Variants in SAMMSON observed in about 807,000 individuals in gnomAD.
SAMMSON encodes survival associated mitochondrial melanoma specific oncogenic non-coding RNA, also known as long intergenic non-protein coding RNA 1212.
At chr3:70,090,304 T>C (rs1285334584) in intron 4 of SAMMSON, among the ~76,000 whole-genome samples, 1 of 152,188 alleles carries the variant, frequency 6.6e-6, no homozygotes. Flanking sequence ...AGAAATGTTC[T>C]TTTTATTTTG....
At chr3:70,082,985 A>C (rs2067272239) in intron 4 of SAMMSON, among the ~76,000 whole-genome samples, 1 of 152,188 alleles carries the variant, frequency 6.6e-6, no homozygotes, top group African/African-American at 2.4e-5. Context: ...CCTGGCTGTA[A>C]GGTCTCTGTG....
chr3:70,032,887 C>T lies in SAMMSON; in HGVS notation n.417+19215C>T, dbSNP rs191195139. 2.3e-3 allele frequency among the ~76,000 whole-genome samples: 350 copies of T among 152,260 alleles called. 1 individual carries two copies. Among genetic ancestry groups the T allele is most frequent in the Non-Finnish European group, 3.9e-3 (262 of 68,014 alleles). On this transcript the variant is annotated intron_variant and non_coding_transcript_variant, in intron 3 of 9. Coordinates refer to ENST00000642114, the Ensembl canonical transcript of SAMMSON. ...TCTTTGGACAAATAAAGGAAAACTT[C>T]GCAATGATGTAGCAGATGCTTTGGG...
intron 4 of SAMMSON, chr3:70,095,889 A>G (rs561612744): frequency 1.3e-5 from 2 of 152,306 alleles, no homozygotes; most frequent in African/African-American, 4.8e-5. Context: ...CTCAATGCAT[A>G]TCACTGACAC....
intron 4 of SAMMSON, among the ~76,000 whole-genome samples, chr3:70,107,652 A>G (rs1166187674): frequency 6.7e-6 from 1 of 150,364 alleles, no homozygotes; most frequent in Non-Finnish European, 1.5e-5. Flanking sequence ...TGACATTTTA[A>G]TCCTTCTCAA....
At chr3:70,059,896 G>C (rs2067181395) in intron 3 of SAMMSON, among the ~76,000 whole-genome samples, 1 of 151,946 alleles carries the variant, frequency 6.6e-6, no homozygotes, top group Non-Finnish European at 1.5e-5. Flanking sequence ...CACTGTTAAG[G>C]GTAATAATAA....
chr3:70,082,018 G>A (rs1218388193), intron 4 of SAMMSON, among the ~76,000 whole-genome samples: 1 of 152,184 alleles, frequency 6.6e-6, no homozygotes, highest in African/African-American at 2.4e-5. Flanking sequence ...CTGTTGTGCA[G>A]GTGTAGTGCT....
intron 4 of SAMMSON, among the ~76,000 whole-genome samples, chr3:70,177,849 C>A (rs985392691): frequency 6.6e-6 from 1 of 152,098 alleles, no homozygotes; most frequent in Non-Finnish European, 1.5e-5. Context: ...CCGCCGGCAA[C>A]TTTTAGTGTA....
At chr3:70,416,580 A>G (rs752221263) in intron 2 of SAMMSON, among the ~76,000 whole-genome samples, 7 of 152,144 alleles carry the variant, frequency 4.6e-5, no homozygotes, top group Admixed American at 1.3e-4. Flanking sequence ...GATTTTCTGC[A>G]TACATTGTCT....
At chr3:70,089,487 C>G (rs1011436688) in intron 4 of SAMMSON, among the ~76,000 whole-genome samples, 5 of 145,132 alleles carry the variant, frequency 3.4e-5, no homozygotes, top group African/African-American at 1.3e-4. Flanking sequence ...AAAGCCTGTT[C>G]TGCTAACTGC....
At chr3:70,380,714 C>T (rs1703059074) in intron 9 of SAMMSON, among the ~76,000 whole-genome samples, 1 of 151,694 alleles carries the variant, frequency 6.6e-6, no homozygotes, top group African/African-American at 2.4e-5. Context: ...CCACAACAGG[C>T]CCCAGTGTGT....
intron 4 of SAMMSON, chr3:70,249,095 C>A (rs1701735392): frequency 6.6e-6 from 1 of 152,158 alleles, no homozygotes; most frequent in African/African-American, 2.4e-5. Context: ...AGTCCCTGAT[C>A]TTTTCTTTAA....
chr3:70,043,283 C>T (rs993172040), intron 3 of SAMMSON, among the ~76,000 whole-genome samples: 10 of 151,994 alleles, frequency 6.6e-5, no homozygotes, highest in African/African-American at 1.7e-4. Flanking sequence ...CTCACGCATC[C>T]GTCTTTAATT....
intron 4 of SAMMSON, among the ~76,000 whole-genome samples, chr3:70,164,691 T>C (rs1193607163): frequency 6.6e-6 from 1 of 152,070 alleles, no homozygotes; most frequent in Non-Finnish European, 1.5e-5. Flanking sequence ...TTAACCTCTC[T>C]GTGGCTATAC....
intron 6 of SAMMSON, among the ~76,000 whole-genome samples, chr3:70,259,639 C>T (rs1262087244): frequency 6.6e-6 from 1 of 152,170 alleles, no homozygotes; most frequent in Non-Finnish European, 1.5e-5. Context: ...CCCTGAAAGT[C>T]TGACGTGTAA....
intron 4 of SAMMSON, among the ~76,000 whole-genome samples, chr3:70,155,182 C>A (rs2067587299): frequency 6.6e-6 from 1 of 151,774 alleles, no homozygotes; most frequent in African/African-American, 2.4e-5. Flanking sequence ...GCCTCATTTT[C>A]CTCATTTGTA....
At chr3:70,266,261 CTT>C (rs1321919226) in intron 6 of SAMMSON, among the ~76,000 whole-genome samples, 4 of 152,094 alleles carry the variant, frequency 2.6e-5, no homozygotes, top group East Asian at 3.9e-4. Context: ...CCTATTATGA[CTT>C]ATATTTAATT....
intron 4 of SAMMSON, among the ~76,000 whole-genome samples, chr3:70,139,944 T>C (rs1288119449): frequency 6.6e-6 from 1 of 152,208 alleles, no homozygotes; most frequent in African/African-American, 2.4e-5. Flanking sequence ...ACACCCTTCA[T>C]GTTCTCTTCC....
At chr3:70,329,644 A>G (rs1438780768) in intron 7 of SAMMSON, among the ~76,000 whole-genome samples, 1 of 152,044 alleles carries the variant, frequency 6.6e-6, no homozygotes, top group Non-Finnish European at 1.5e-5. Flanking sequence ...ACTACCAGAG[A>G]AAAATGAGAA....
intron 4 of SAMMSON, among the ~76,000 whole-genome samples, chr3:70,196,285 T>C (rs1701178956): frequency 6.6e-6 from 1 of 152,206 alleles, no homozygotes; most frequent in African/African-American, 2.4e-5. Flanking sequence ...ATTATAGTAC[T>C]CTCTTGAAGT....
Sources: allele counts gnomAD v4.1 joint callset (sites outside exome capture counted in the v4.1 genomes callset), GRCh38; gene constraint gnomAD v4.1.1; transcripts MANE v1.5; gene names NCBI Gene and HGNC (gene_info 2026-07-23, HGNC 2026-07-21).